TMPRSS11F: variants seen among roughly 807,000 people sequenced by gnomAD.
TMPRSS11F encodes the protein transmembrane protease serine 11F.
A neutral mutation model predicts 60.2 loss-of-function variants in TMPRSS11F; 47 were observed. The observed-to-expected ratio is 0.78, with a 90% confidence interval of 0.62 to 1.00. The LOEUF is 1.00. TMPRSS11F is among the 50% of genes least tolerant of loss of function. The probability of loss-of-function intolerance (pLI) is 0.00; values close to 1 mark genes in which losing one functional copy is unlikely to be tolerated. For missense variants in TMPRSS11F, 519 were observed against 522.9 expected (o/e 0.99, Z 0.07); for synonymous variants, 166 against 167.3 (o/e 0.99, Z 0.06).
At chr4:68,090,716 C>T (rs1009881799) in intron 2 of TMPRSS11F, 75 bp from the exon 3 acceptor site, 12 of 1,525,328 alleles carry the variant, frequency 7.9e-6, no homozygotes, top group Non-Finnish European at 1.1e-5. Context: ...TTGCCCACAC[C>T]TGCTAAATAG....
intron 1 of TMPRSS11F, among the ~76,000 whole-genome samples, chr4:68,102,822 T>G (rs1053095932): frequency 1.3e-5 from 2 of 152,134 alleles, no homozygotes; most frequent in African/African-American, 4.8e-5. Context: ...AAGTTTGATG[T>G]TGTTCTGCTT....
Position 68,064,665 on chromosome 4 carries a change from A to T in TMPRSS11F, c.1015+20T>A. ...CTCAAGACATTCTTGTGCTAAGAAA[A>T]TTAGGTTGAAACTGCTCACCATCAT... On this transcript the variant is annotated intron_variant, in intron 8 of 9. Transcript: ENST00000356291. 1 of 1,607,754 alleles carries T rather than the reference A, an allele frequency of 6.2e-7. No individual in the cohort carries two copies. Among genetic ancestry groups the T allele is most frequent in the Non-Finnish European group, 8.5e-7 (1 of 1,176,776 alleles).
At chr4:68,123,662 A>G (rs1294873448) in intron 1 of TMPRSS11F, among the ~76,000 whole-genome samples, 1 of 152,210 alleles carries the variant, frequency 6.6e-6, no homozygotes, top group Non-Finnish European at 1.5e-5. Flanking sequence ...CAAGACGATT[A>G]TGGAAAATGA....
chr4:68,070,141 A>G (rs1195773102), intron 5 of TMPRSS11F, 134 bp from the exon 6 acceptor site: 22 of 613,574 alleles, frequency 3.6e-5, no homozygotes, highest in Non-Finnish European at 5.8e-5. Flanking sequence ...GAGATTTTTC[A>G]TAATCAAGTC....
chr4:68,070,013 A>T lies in TMPRSS11F; in HGVS notation c.515-6T>A, dbSNP rs759641899. ...CATCTTTTTGCTGTCAATAGCTGGA[A>T]TAAGCAAAACATGAATTAGTTGGCA... On this transcript the variant is annotated splice_polypyrimidine_tract_variant and splice_region_variant and intron_variant, in intron 5 of 9. Transcript: ENST00000356291. 1 of 1,603,218 alleles carries T rather than the reference A, an allele frequency of 6.2e-7. No individual in the cohort carries two copies. Among genetic ancestry groups the T allele is most frequent in the Non-Finnish European group, 8.5e-7 (1 of 1,174,340 alleles).
At chr4:68,126,569 A>AT in intron 1 of TMPRSS11F, among the ~76,000 whole-genome samples, 1 of 152,174 alleles carries the variant, frequency 6.6e-6, no homozygotes, top group Non-Finnish European at 1.5e-5. Flanking sequence ...TGAAATTTTC[A>AT]TTTACTCCTA....
At chr4:68,100,955 T>C (rs895414524) in intron 1 of TMPRSS11F, among the ~76,000 whole-genome samples, 3 of 152,192 alleles carry the variant, frequency 2.0e-5, no homozygotes, top group Non-Finnish European at 2.9e-5. Context: ...TTGTGAATAT[T>C]ATGGCTGCTG....
intron 1 of TMPRSS11F, among the ~76,000 whole-genome samples, chr4:68,099,276 C>A (rs758495254): frequency 6.6e-6 from 1 of 152,174 alleles, no homozygotes; most frequent in Non-Finnish European, 1.5e-5. Context: ...TATCTTCCCA[C>A]GGCATTTTAT....
chr4:68,089,894 C>A (rs1427938133), intron 3 of TMPRSS11F, among the ~76,000 whole-genome samples: 1 of 152,048 alleles, frequency 6.6e-6, no homozygotes, highest in African/African-American at 2.4e-5. Flanking sequence ...ACAATCCAAG[C>A]TAATATACTG....
intron 2 of TMPRSS11F, 79 bp downstream of exon 2, chr4:68,098,808 C>A (rs574180204): frequency 1.3e-5 from 17 of 1,323,838 alleles, no homozygotes; most frequent in Non-Finnish European, 1.8e-5. Context: ...ATGCAAATGT[C>A]ACTTTTTATA....
intron 1 of TMPRSS11F, among the ~76,000 whole-genome samples, chr4:68,128,668 CATATT>C (rs2109895025): frequency 6.6e-6 from 1 of 152,158 alleles, no homozygotes; most frequent in East Asian, 1.9e-4. Flanking sequence ...AAATTTTTAG[CATATT>C]ATATTTATAT....
intron 1 of TMPRSS11F, among the ~76,000 whole-genome samples, chr4:68,099,337 T>G (rs1724142577): frequency 6.6e-6 from 1 of 152,218 alleles, no homozygotes; most frequent in Non-Finnish European, 1.5e-5. Context: ...AAGACTGGCT[T>G]TTAGATTTTA....
At chr4:68,072,230 AAT>A (rs545198741) in intron 5 of TMPRSS11F, 91 bp downstream of exon 5, 38 of 92,758 alleles carry the variant, frequency 4.1e-4, no homozygotes, top group Middle Eastern at 6.0e-3. Context: ...CCAAAAAAAA[AAT>A]ATATATATAT....
At chr4:68,072,865 T>C (rs768608666) in intron 4 of TMPRSS11F, among the ~76,000 whole-genome samples, 4 of 152,184 alleles carry the variant, frequency 2.6e-5, no homozygotes, top group Non-Finnish European at 5.9e-5. Context: ...AATGTCATTA[T>C]TCTTTAGAAG....
chr4:68,062,547 G>C (rs1171404470), intron 8 of TMPRSS11F: 1 of 777,244 alleles, frequency 1.3e-6, no homozygotes, highest in Non-Finnish European at 2.4e-6. Context: ...TGTATTCATC[G>C]TGACTCTAGC....
At chr4:68,063,621 C>T (rs921786986) in intron 8 of TMPRSS11F, among the ~76,000 whole-genome samples, 113 of 152,054 alleles carry the variant, frequency 7.4e-4, no homozygotes, top group African/African-American at 2.6e-3. Flanking sequence ...CCTCATGATC[C>T]GCCCGACTCG....
At chr4:68,078,882 T>G (rs1427185506) in intron 3 of TMPRSS11F, among the ~76,000 whole-genome samples, 1 of 152,078 alleles carries the variant, frequency 6.6e-6, no homozygotes, top group Non-Finnish European at 1.5e-5. Context: ...TTTTTGTATC[T>G]CTAGCACATC....
At chr4:68,070,711 T>G (rs1000121497) in intron 5 of TMPRSS11F, among the ~76,000 whole-genome samples, 2 of 152,232 alleles carry the variant, frequency 1.3e-5, no homozygotes, top group African/African-American at 4.8e-5. Flanking sequence ...TCATTCATTT[T>G]CATTATAACT....
intron 2 of TMPRSS11F, among the ~76,000 whole-genome samples, chr4:68,090,871 T>C (rs1723914640): frequency 1.3e-5 from 2 of 152,290 alleles, no homozygotes; most frequent in South Asian, 2.1e-4. Context: ...TTATAGATAT[T>C]TATGCATATC....
Sources: gnomAD v4.1 joint callset for allele counts (sites outside exome capture counted in the v4.1 genomes callset) on GRCh38, gnomAD v4.1.1 for gene constraint, MANE v1.5 for transcripts, NCBI Gene and HGNC (gene_info 2026-07-23, HGNC 2026-07-21) for gene names.